VSTM2L: variants seen among roughly 807,000 people sequenced by gnomAD.
The protein encoded by VSTM2L is V-set and transmembrane domain containing 2 like.
Under a neutral mutation model 19.9 loss-of-function variants are expected in VSTM2L, and 9 were observed. The observed-to-expected ratio is 0.45, with a 90% CI of 0.27 to 0.79. The LOEUF is 0.79. Among genes scored for constraint, VSTM2L ranks in the 30% least tolerant of loss-of-function variants. The probability of loss-of-function intolerance (pLI) is 0.15; values close to 1 mark genes in which losing one functional copy is unlikely to be tolerated. For missense variants in VSTM2L, 286 were observed against 295.5 expected (o/e 0.97, Z 0.24); for synonymous variants, 127 against 133.8 (o/e 0.95, Z 0.35).
At chr20:37,938,160 G>A (rs956511926) in intron 3 of VSTM2L, among the ~76,000 whole-genome samples, 30 of 152,246 alleles carry the variant, frequency 2.0e-4, no homozygotes, top group African/African-American at 7.0e-4. Flanking sequence ...TGCCAGTGCT[G>A]AGGGATGTGG....
At chr20:37,932,781 A>G (rs1350039324) in intron 2 of VSTM2L, among the ~76,000 whole-genome samples, 2 of 152,170 alleles carry the variant, frequency 1.3e-5, no homozygotes, top group Non-Finnish European at 1.5e-5. Context: ...AATCATTTGC[A>G]TCCTTACACA....
chr20:37,926,758 T>C (rs1352275837), intron 1 of VSTM2L, among the ~76,000 whole-genome samples: 1 of 152,178 alleles, frequency 6.6e-6, no homozygotes, highest in Non-Finnish European at 1.5e-5. Context: ...GGTTACTCCC[T>C]GGCACTGGGC....
intron 1 of VSTM2L, among the ~76,000 whole-genome samples, chr20:37,925,536 G>A (rs147129670): frequency 6.6e-6 from 1 of 152,314 alleles, no homozygotes; most frequent in Non-Finnish European, 1.5e-5. Context: ...AGCTTGGGGT[G>A]GAGGTCGGGA....
intron 1 of VSTM2L, among the ~76,000 whole-genome samples, chr20:37,904,330 C>T (rs2072739386): frequency 1.3e-5 from 2 of 152,240 alleles, no homozygotes; most frequent in Admixed American, 1.3e-4. Flanking sequence ...AGGGTACCCC[C>T]ATCCTCATCC....
chr20:37,939,237 T>G (rs910143762), intron 3 of VSTM2L, among the ~76,000 whole-genome samples: 1 of 151,954 alleles, frequency 6.6e-6, no homozygotes, highest in African/African-American at 2.4e-5. Context: ...AGACCCCATC[T>G]CCACAGAAAG....
In VSTM2L at chr20:37,931,696, C is replaced by T; in HGVS notation, c.183C>T (p.Ala61=). The T allele has an allele frequency of 1.2e-6, 2 of 1,613,716 alleles. No individual in the cohort carries two copies. The highest frequency in any genetic ancestry group is 1.7e-6 in the Non-Finnish European group (2 of 1,180,024). The change falls in exon 2 of 4, where the codon GCC becomes GCT. Residue 61 remains alanine, a synonymous_variant. Coordinates refer to ENST00000373461, the MANE Select transcript of VSTM2L (RefSeq NM_080607.3). ...TARTGEDVEM[A]CSFRGSGSPS... ...GGACGGGCGAGGACGTGGAGATGGC[C>T]TGCTCCTTCCGCGGCAGCGGCTCCC... is the stretch of plus-strand genomic sequence containing the variant.
intron 3 of VSTM2L, among the ~76,000 whole-genome samples, chr20:37,935,736 G>A (rs1237620190): frequency 2.6e-5 from 4 of 152,138 alleles, no homozygotes; most frequent in African/African-American, 9.7e-5. Flanking sequence ...GGGGTGCTGG[G>A]ACTGAGCCTG....
At chr20:37,907,759 G>A (rs1368589294) in intron 1 of VSTM2L, among the ~76,000 whole-genome samples, 2 of 152,170 alleles carry the variant, frequency 1.3e-5, no homozygotes, top group African/African-American at 4.8e-5. Context: ...GCTTGGCCGG[G>A]GGCTTTGTCC....
chr20:37,934,247 G>T (rs1168752279), intron 3 of VSTM2L, among the ~76,000 whole-genome samples: 2 of 152,200 alleles, frequency 1.3e-5, no homozygotes, highest in Non-Finnish European at 2.9e-5. Context: ...GGGCCCAGGG[G>T]AGTTCAGGGA....
At chr20:37,935,716 C>G (rs1481655874) in intron 3 of VSTM2L, among the ~76,000 whole-genome samples, 1 of 152,066 alleles carries the variant, frequency 6.6e-6, no homozygotes, top group Non-Finnish European at 1.5e-5. Context: ...ACTGTCTCCC[C>G]TAGAGATGAG....
chr20:37,912,424 T>C (rs752462995), intron 1 of VSTM2L, among the ~76,000 whole-genome samples: 1 of 152,182 alleles, frequency 6.6e-6, no homozygotes, highest in Non-Finnish European at 1.5e-5. Flanking sequence ...GCAGTGGGGC[T>C]CTGGGGGCAT....
At chr20:37,904,504 C>A (rs577767486) in intron 1 of VSTM2L, among the ~76,000 whole-genome samples, 1 of 152,352 alleles carries the variant, frequency 6.6e-6, no homozygotes, top group Non-Finnish European at 1.5e-5. Context: ...AGCCCGGCAG[C>A]TGTGGGGGCT....
intron 1 of VSTM2L, among the ~76,000 whole-genome samples, chr20:37,923,340 C>T (rs1378791375): frequency 6.6e-6 from 1 of 152,170 alleles, no homozygotes; most frequent in East Asian, 1.9e-4. Context: ...CCCAGTGGCT[C>T]CGGCCAGAGC....
chr20:37,914,395 T>TGTGC (rs1568835318), intron 1 of VSTM2L, among the ~76,000 whole-genome samples: 60 of 150,356 alleles, frequency 4.0e-4, no homozygotes, highest in Non-Finnish European at 5.5e-4. Flanking sequence ...TGTGGGTGTG[T>TGTGC]GTATGTATGT....
chr20:37,930,795 G>A (rs1051787204), intron 1 of VSTM2L, among the ~76,000 whole-genome samples: 14 of 152,144 alleles, frequency 9.2e-5, no homozygotes, highest in Admixed American at 9.2e-4. Flanking sequence ...GGTGCCCTGA[G>A]ATGGTGGAGA....
At chr20:37,933,474 A>G in intron 2 of VSTM2L, 65 bp from the exon 3 acceptor site, 1 of 986,782 alleles carries the variant, frequency 1.0e-6, no homozygotes, top group Non-Finnish European at 1.5e-6. Context: ...CCACACTGCC[A>G]CCCCACCCCC....
At chr20:37,907,247 C>T (rs547435439) in intron 1 of VSTM2L, among the ~76,000 whole-genome samples, 14 of 152,280 alleles carry the variant, frequency 9.2e-5, no homozygotes, top group African/African-American at 3.1e-4. Flanking sequence ...CTGGGAGTGA[C>T]AGGCATGTGC....
intron 1 of VSTM2L, among the ~76,000 whole-genome samples, chr20:37,922,123 A>G (rs2072855285): frequency 6.6e-6 from 1 of 152,146 alleles, no homozygotes; most frequent in South Asian, 2.1e-4. Flanking sequence ...CTGTGCAGCC[A>G]TCACCACCAT....
At chr20:37,921,641 T>C (rs2072851558) in intron 1 of VSTM2L, among the ~76,000 whole-genome samples, 1 of 151,164 alleles carries the variant, frequency 6.6e-6, no homozygotes, top group African/African-American at 2.4e-5. Context: ...AAACATGTAA[T>C]AGGGGAGTGA....
Sources: allele counts gnomAD v4.1 joint callset (sites outside exome capture counted in the v4.1 genomes callset), GRCh38; gene constraint gnomAD v4.1.1; transcripts MANE v1.5; gene names NCBI Gene and HGNC (gene_info 2026-07-23, HGNC 2026-07-21).